Variants in CDC27 observed in about 807,000 individuals in gnomAD.
CDC27 encodes cell division cycle 27.
Under a neutral mutation model 109.7 loss-of-function variants are expected in CDC27, and 27 were observed. That is an observed-to-expected ratio of 0.25 (90% CI 0.18 to 0.34). The LOEUF (loss-of-function observed/expected upper bound fraction) is 0.34. CDC27 is among the 10% of genes least tolerant of loss of function. The pLI is 1.00. For synonymous variants in CDC27, 266 were observed against 333.9 expected, an observed-to-expected ratio of 0.80 and a Z score of 2.22; for missense variants, 579 against 960.2, an observed-to-expected ratio of 0.60 and a Z score of 5.25.
chr17:47,189,063 G>A, intron 1 of CDC27, 83 bp downstream of exon 1: 4 of 1,533,786 alleles, frequency 2.6e-6, no homozygotes, highest in Admixed American at 3.4e-5. Context: ...GGCCTAGGCC[G>A]CACCAGGCCG....
rs147192717 is a variant in CDC27, at chr17:47,186,482, T to C, written c.27+2664A>G. 1.2e-4 allele frequency among the ~76,000 whole-genome samples: 18 copies of C among 152,360 alleles called. No individual in the cohort carries two copies. In the East Asian group the frequency reaches 1.9e-3, roughly 16 times the overall value. On this transcript the variant is annotated intron_variant, in intron 1 of 18. Transcript: ENST00000066544. Reference sequence around the variant, plus strand: ...CCCCTAGGAATAATTGCTAAATCTATATAAAATCTCTTTGCTTCTTTTTTA... The same window carrying C: ...CCCCTAGGAATAATTGCTAAATCTACATAAAATCTCTTTGCTTCTTTTTTA...
intron 4 of CDC27, chr17:47,162,114 A>AT (rs1198365148): frequency 6.6e-6 from 1 of 152,144 alleles, no homozygotes; most frequent in Non-Finnish European, 1.5e-5. Context: ...GGACACCACT[A>AT]TTTTTACAAG....
intron 4 of CDC27, among the ~76,000 whole-genome samples, chr17:47,161,539 T>A (rs765735400): frequency 7.9e-5 from 12 of 151,974 alleles, no homozygotes; most frequent in Non-Finnish European, 1.2e-4. Flanking sequence ...TCACTTGAGG[T>A]CAGGAGTTCG....
Position 47,189,219 on chromosome 17 carries a change from T to C in CDC27, c.-47A>G, listed in dbSNP as rs11570448. The C allele has an allele frequency of 4.3e-4, 653 of 1,530,298 alleles. 4 individuals are homozygous for C. In the African/African-American group the frequency reaches 7.1e-3, roughly 17 times the overall value. 94.8% of individuals were successfully genotyped at this position (1,530,298 alleles called of 1,614,324 possible). ...TCTGCAGTGCCTCAGGCCCCCCCTG[T>C]AGCGGCTCCGGCCCGGCCAGCCCCT... On this transcript the variant is annotated 5_prime_UTR_variant, in exon 1 of 19. Transcript: ENST00000066544.
At chr17:47,133,028 T>TACATATAC (rs1819652726) in intron 14 of CDC27, among the ~76,000 whole-genome samples, 1 of 29,824 alleles carries the variant, frequency 3.4e-5, no homozygotes, top group South Asian at 1.1e-3. Context: ...TATATATATA[T>TACATATAC]ACACACACAC....
chr17:47,128,914 G>A (rs1256691059), intron 16 of CDC27, among the ~76,000 whole-genome samples: 3 of 152,008 alleles, frequency 2.0e-5, no homozygotes, highest in Admixed American at 1.3e-4. Context: ...GAGACTTACA[G>A]GCACCTGCCA....
intron 14 of CDC27, among the ~76,000 whole-genome samples, chr17:47,136,843 G>A (rs910858103): frequency 2.0e-5 from 3 of 151,932 alleles, no homozygotes; most frequent in African/African-American, 2.4e-5. Flanking sequence ...TTCGGTGTTC[G>A]AAGAAAAAGC....
At position 47,138,791 on chromosome 17, in the gene CDC27, G is replaced by A. The variant is rs751777383; in HGVS notation, c.1652C>T (p.Ala551Val). The A allele has an allele frequency of 3.1e-6, 5 of 1,611,298 alleles. No homozygotes were observed. The African/African-American group carries it at 4.0e-5, about 13-fold the overall frequency. The change falls in exon 13 of 19, where the codon GCT (alanine) becomes GTT (valine). Residue 551 changes from alanine to valine, a missense_variant. This residue lies in a region of CDC27 where 227 missense variants were observed against 363.6 expected (regional missense o/e 0.62). Transcript: ENST00000066544. ...TAAGTCTTTTGACAGAACTGAAAGAGCAACATCTTTTTGAAGATGCCAAAG... is the reference window on the plus strand; with the variant it reads ...TAAGTCTTTTGACAGAACTGAAAGAACAACATCTTTTTGAAGATGCCAAAG... Reference protein sequence around the residue: ...TTLWHLQKDVALSVLSKDLTD... With the variant: ...TTLWHLQKDVVLSVLSKDLTD...
chr17:47,126,273 A>C (rs2062136560), intron 16 of CDC27, among the ~76,000 whole-genome samples: 1 of 152,034 alleles, frequency 6.6e-6, no homozygotes, highest in South Asian at 2.1e-4. Context: ...GTACCTTTTA[A>C]CTTTTCCTTA....
At chr17:47,140,499 A>C (rs149846983) in intron 12 of CDC27, among the ~76,000 whole-genome samples, 2 of 152,214 alleles carry the variant, frequency 1.3e-5, no homozygotes, top group Non-Finnish European at 2.9e-5. Flanking sequence ...AGTTTTCAGA[A>C]TCTGTTGCTT....
chr17:47,160,136 C>T lies in CDC27; in HGVS notation c.378-1833G>A, dbSNP rs1287905427. 4.6e-5 allele frequency: 8 copies of T among 173,594 alleles called. No homozygotes were observed. In the South Asian group the frequency reaches 5.0e-4, roughly 11 times the overall value. 10.8% of individuals were successfully genotyped at this position (173,594 alleles called of 1,614,324 possible). Reference sequence around the variant, plus strand: ...TTTCTTTCTAAATCAGGTGTATAAACGCTTACATATGGAATCTGGACAATA... The same window carrying T: ...TTTCTTTCTAAATCAGGTGTATAAATGCTTACATATGGAATCTGGACAATA... On this transcript the variant is annotated intron_variant, in intron 4 of 18. Transcript: ENST00000066544.
intron 14 of CDC27, among the ~76,000 whole-genome samples, chr17:47,132,802 C>T (rs991659019): frequency 6.3e-5 from 9 of 143,964 alleles, no homozygotes; most frequent in African/African-American, 2.3e-4. Flanking sequence ...TAGCACCTCA[C>T]TCTGTTGCCT....
chr17:47,138,131 C>T (rs1033495398), intron 13 of CDC27, among the ~76,000 whole-genome samples: 1 of 152,088 alleles, frequency 6.6e-6, no homozygotes, highest in Non-Finnish European at 1.5e-5. Context: ...AAAATAGGAT[C>T]TACCAGGATG....
intron 8 of CDC27, among the ~76,000 whole-genome samples, chr17:47,154,257 AGT>A (rs1415085060): frequency 6.6e-6 from 1 of 152,128 alleles, no homozygotes; most frequent in Non-Finnish European, 1.5e-5. Context: ...TATAATTATT[AGT>A]GTTATTAAAA....
rs35788312 is a variant in CDC27, at chr17:47,130,877, C to CAA, written c.2032-1358_2032-1357dup. Among the ~76,000 whole-genome samples the CAA allele has an allele frequency of 4.6e-3, 633 of 138,900 alleles. 2 individuals are homozygous for CAA. Among genetic ancestry groups the CAA allele is most frequent in the African/African-American group, 0.012 (431 of 37,372 alleles). 91.1% of individuals were successfully genotyped at this position (138,900 alleles called of 152,430 possible). ...GGGCAACAAGAGCGAAACTCCATCTCAAAAAAAAAAAAAATTAAATTAAAA... is the reference window on the plus strand; with the variant it reads ...GGGCAACAAGAGCGAAACTCCATCTCAAAAAAAAAAAAAAAATTAAATTAAAA... On this transcript the variant is annotated intron_variant, in intron 15 of 18. Coordinates refer to ENST00000066544, the MANE Select transcript of CDC27 (RefSeq NM_001256.6).
intron 16 of CDC27, among the ~76,000 whole-genome samples, chr17:47,128,929 G>A (rs2148812822): frequency 6.6e-6 from 1 of 152,062 alleles, no homozygotes; most frequent in Admixed American, 6.5e-5. Flanking sequence ...CTGCCACCAT[G>A]CCCAGCTAAT....
chr17:47,133,028 T>TATAGACACAC (rs1555783886), intron 14 of CDC27, among the ~76,000 whole-genome samples: 1 of 29,824 alleles, frequency 3.4e-5, no homozygotes, highest in Non-Finnish European at 5.8e-5. Flanking sequence ...TATATATATA[T>TATAGACACAC]ACACACACAC....
intron 9 of CDC27, among the ~76,000 whole-genome samples, chr17:47,146,662 TA>T (rs1475347554): frequency 6.6e-6 from 1 of 152,112 alleles, no homozygotes; most frequent in East Asian, 1.9e-4. Flanking sequence ...GGACAAAATT[TA>T]AAAGGTAAGA....
intron 9 of CDC27, among the ~76,000 whole-genome samples, chr17:47,151,052 GT>G (rs983617673): frequency 2.0e-5 from 3 of 152,098 alleles, no homozygotes; most frequent in Non-Finnish European, 2.9e-5. Context: ...AAGAGCTGAT[GT>G]TTATTAGTGT....
Sources: gnomAD v4.1 joint callset for allele counts (sites outside exome capture counted in the v4.1 genomes callset) on GRCh38, gnomAD v4.1.1 for gene constraint, gnomAD v4.1.1 regional missense constraint, MANE v1.5 for transcripts, NCBI Gene and HGNC (gene_info 2026-07-23, HGNC 2026-07-21) for gene names.